Variants in JPH3 observed in about 807,000 individuals in gnomAD.
The protein encoded by JPH3 is junctophilin 3, also known as junctophilin-3.
A neutral mutation model predicts 59.6 loss-of-function variants in JPH3; 11 were observed. That is an observed-to-expected ratio of 0.18 (90% CI 0.12 to 0.31). The LOEUF (loss-of-function observed/expected upper bound fraction) is 0.31. Ranked by LOEUF, JPH3 falls within the 10% of genes least tolerant of loss-of-function variation. The pLI is 1.00. For missense variants in JPH3, 1,202 were observed against 1,105.7 expected, an observed-to-expected ratio of 1.09 and a Z score of -1.24; for synonymous variants, 673 against 483.6, an observed-to-expected ratio of 1.39 and a Z score of -5.14.
At chr16:87,669,543 C>T (rs781590131) in intron 2 of JPH3, among the ~76,000 whole-genome samples, 3 of 152,168 alleles carry the variant, frequency 2.0e-5, no homozygotes, top group South Asian at 2.1e-4. Context: ...GACCCTAGCA[C>T]GGTGCTCACG....
chr16:87,616,223 TGTGTGTGTGTGTGTA>T (rs1567583298), intron 1 of JPH3, among the ~76,000 whole-genome samples: 14 of 146,156 alleles, frequency 9.6e-5, no homozygotes, highest in Admixed American at 1.4e-4. Flanking sequence ...TGTGTGTGTG[TGTGTGTGTGTGTGTA>T]TTTTTTTTTT....
At chr16:87,685,402 C>A (rs62053833) in intron 3 of JPH3, among the ~76,000 whole-genome samples, 19,107 of 152,290 alleles carry the variant, frequency 0.13, 1,568 homozygotes, top group African/African-American at 0.22. Context: ...CAATGGGCCA[C>A]GTGCCCCTGT....
At chr16:87,612,274 C>T (rs1368395453) in intron 1 of JPH3, among the ~76,000 whole-genome samples, 1 of 152,148 alleles carries the variant, frequency 6.6e-6, no homozygotes, top group Non-Finnish European at 1.5e-5. Context: ...CAGGCATGCA[C>T]CCCCATGCCC....
chr16:87,625,189 G>C (rs1393524901), intron 1 of JPH3, among the ~76,000 whole-genome samples: 1 of 152,248 alleles, frequency 6.6e-6, no homozygotes, highest in African/African-American at 2.4e-5. Flanking sequence ...TCTGGAAGCT[G>C]AGAAGTCTTT....
intron 2 of JPH3, among the ~76,000 whole-genome samples, chr16:87,670,336 G>A (rs572559887): frequency 5.1e-4 from 77 of 152,268 alleles, no homozygotes; most frequent in African/African-American, 1.8e-3. Flanking sequence ...GCAAACCCAC[G>A]TGTGGCCTCT....
At chr16:87,643,617 G>A (rs1049792696) in intron 1 of JPH3, among the ~76,000 whole-genome samples, 9 of 152,318 alleles carry the variant, frequency 5.9e-5, no homozygotes, top group Middle Eastern at 3.4e-3. Flanking sequence ...CCCAGGACGC[G>A]TTTCCTTGTG....
chr16:87,618,033 C>T (rs2031037447), intron 1 of JPH3, among the ~76,000 whole-genome samples: 1 of 152,054 alleles, frequency 6.6e-6, no homozygotes, highest in Non-Finnish European at 1.5e-5. Context: ...GCATGGCAGC[C>T]TGCGCCTGCA....
At chr16:87,663,559 A>C (rs2032770044) in intron 2 of JPH3, among the ~76,000 whole-genome samples, 1 of 152,188 alleles carries the variant, frequency 6.6e-6, no homozygotes, top group Non-Finnish European at 1.5e-5. Flanking sequence ...CACCCACCAG[A>C]AGCACTGGGT....
intron 1 of JPH3, among the ~76,000 whole-genome samples, chr16:87,636,276 A>G (rs825586): frequency 0.65 from 99,559 of 152,172 alleles, 33,157 homozygotes; most frequent in Middle Eastern, 0.74. Context: ...TGCGCCGTTC[A>G]GCTCAGTTGC....
chr16:87,653,063 T>A (rs2032376350), intron 2 of JPH3, among the ~76,000 whole-genome samples: 1 of 151,152 alleles, frequency 6.6e-6, no homozygotes, highest in African/African-American at 2.5e-5. Context: ...AGCCAGTCAG[T>A]GCCTGCGGGG....
At chr16:87,658,483 CTT>C (rs1367049776) in intron 2 of JPH3, among the ~76,000 whole-genome samples, 2 of 152,020 alleles carry the variant, frequency 1.3e-5, no homozygotes, top group South Asian at 2.1e-4. Context: ...CTCCATCACT[CTT>C]TGTCCTTGTC....
intron 4 of JPH3, chr16:87,695,591 A>G (rs1253236727): frequency 2.2e-6 from 1 of 455,726 alleles, no homozygotes; most frequent in Non-Finnish European, 4.4e-6. Context: ...GCAAGACTGG[A>G]GTGGGTGTCC....
At chr16:87,621,094 G>A (rs892847759) in intron 1 of JPH3, among the ~76,000 whole-genome samples, 8 of 152,252 alleles carry the variant, frequency 5.3e-5, no homozygotes, top group African/African-American at 1.9e-4. Context: ...GGGAGGCGGA[G>A]GTTGCAGTGA....
upstream of JPH3, chr16:87,602,168 G>A (rs1381792212): frequency 1.3e-5 from 2 of 151,776 alleles, no homozygotes; most frequent in African/African-American, 4.8e-5. Flanking sequence ...TCCCGGGAGG[G>A]GGCCGAGGGC....
chr16:87,648,248 A>T (rs1350614662), intron 2 of JPH3, among the ~76,000 whole-genome samples: 2 of 151,972 alleles, frequency 1.3e-5, no homozygotes, highest in Non-Finnish European at 2.9e-5. Flanking sequence ...GGGGAAAAAA[A>T]AAAGGAAAAA....
At chr16:87,632,874 C>T (rs1248138674) in intron 1 of JPH3, among the ~76,000 whole-genome samples, 1 of 149,886 alleles carries the variant, frequency 6.7e-6, no homozygotes, top group African/African-American at 2.5e-5. Context: ...GCCTGCACGA[C>T]AGAGCTGGAC....
At chr16:87,640,371 C>T (rs1043758533) in intron 1 of JPH3, among the ~76,000 whole-genome samples, 5 of 151,378 alleles carry the variant, frequency 3.3e-5, no homozygotes, top group Non-Finnish European at 7.4e-5. Flanking sequence ...GCCAGGTAAT[C>T]GACAAATGCT....
intron 2 of JPH3, among the ~76,000 whole-genome samples, chr16:87,672,586 C>G (rs1032698722): frequency 6.6e-6 from 1 of 152,192 alleles, no homozygotes; most frequent in Non-Finnish European, 1.5e-5. Flanking sequence ...TGAGGTCTGT[C>G]CTGGATATTC....
chr16:87,650,155 C>A (rs74039408), intron 2 of JPH3, among the ~76,000 whole-genome samples: 2 of 152,352 alleles, frequency 1.3e-5, no homozygotes, highest in African/African-American at 4.8e-5. Context: ...GTTTTCCCAA[C>A]AGCACGTGCT....
Sources: allele counts gnomAD v4.1 joint callset (sites outside exome capture counted in the v4.1 genomes callset), GRCh38; gene constraint gnomAD v4.1.1; transcripts MANE v1.5; gene names NCBI Gene and HGNC (gene_info 2026-07-23, HGNC 2026-07-21).